DSTYK: variants seen among roughly 807,000 people sequenced by gnomAD.
The protein encoded by DSTYK is dual serine/threonine and tyrosine protein kinase.
In DSTYK, 34 loss-of-function variants were observed where a neutral mutation model predicts 98.7. That is an observed-to-expected ratio of 0.34 (90% CI 0.26 to 0.46). The LOEUF (loss-of-function observed/expected upper bound fraction) is 0.46, where lower values mean the gene tolerates loss of function less well. Among genes scored for constraint, DSTYK ranks in the 20% least tolerant of loss-of-function variants. DSTYK has a pLI of 1.00. For synonymous variants in DSTYK, 462 were observed against 457.3 expected, an observed-to-expected ratio of 1.01 and a Z score of -0.13; for missense variants, 962 against 1,181.7, an observed-to-expected ratio of 0.81 and a Z score of 2.73.
intron 2 of DSTYK, among the ~76,000 whole-genome samples, chr1:205,171,778 T>C (rs970518381): frequency 3.9e-5 from 6 of 152,190 alleles, no homozygotes; most frequent in African/African-American, 1.4e-4. Context: ...CAATCCTCCA[T>C]AGAATTCTAG....
intron 2 of DSTYK, among the ~76,000 whole-genome samples, chr1:205,186,839 C>T (rs910788714): frequency 6.6e-6 from 1 of 152,224 alleles, no homozygotes; most frequent in African/African-American, 2.4e-5. Flanking sequence ...CTTCAAATAA[C>T]AGGATCTCCG....
chr1:205,176,344 C>T (rs1024327812), intron 2 of DSTYK, among the ~76,000 whole-genome samples: 2 of 151,702 alleles, frequency 1.3e-5, no homozygotes, highest in Non-Finnish European at 2.9e-5. Flanking sequence ...GGGGTGGTGG[C>T]GTATGCCTGT....
intron 2 of DSTYK, among the ~76,000 whole-genome samples, chr1:205,176,476 TAAAAAAAAAAA>T (rs61291677): frequency 1.1e-3 from 47 of 43,208 alleles, no homozygotes; most frequent in African/African-American, 3.0e-3. Flanking sequence ...AACTCCCTCT[TAAAAAAAAAAA>T]AAAAAAAAAA....
At chr1:205,159,404 G>A (rs1657650858) in intron 9 of DSTYK, 143 bp downstream of exon 9, 1 of 1,144,356 alleles carries the variant, frequency 8.7e-7, no homozygotes, top group Non-Finnish European at 1.2e-6. Flanking sequence ...ATCTTTAAGG[G>A]TTTTTGGAAA....
intron 1 of DSTYK, among the ~76,000 whole-genome samples, chr1:205,209,751 A>G (rs1355820440): frequency 6.6e-6 from 1 of 152,064 alleles, no homozygotes; most frequent in Non-Finnish European, 1.5e-5. Flanking sequence ...CTTTGGGAAT[A>G]TAAGACCTAA....
chr1:205,155,496 C>T (rs1657530929), intron 10 of DSTYK, among the ~76,000 whole-genome samples: 1 of 151,720 alleles, frequency 6.6e-6, no homozygotes, highest in Non-Finnish European at 1.5e-5. Flanking sequence ...TGGCAAAACC[C>T]TGTCTCTACT....
At chr1:205,154,084 T>TGTGTGTGC (rs558872879) in intron 10 of DSTYK, among the ~76,000 whole-genome samples, 4 of 144,788 alleles carry the variant, frequency 2.8e-5, no homozygotes, top group Non-Finnish European at 4.6e-5. Context: ...TGTGTGTGTG[T>TGTGTGTGC]GCATGTATAG....
In DSTYK at chr1:205,161,397, A is replaced by G. The variant is rs1245002839; in HGVS notation, c.1819-10T>C. 6.2e-7 allele frequency: 1 copy of G among 1,613,884 alleles called. No homozygotes were observed. The highest frequency in any genetic ancestry group is 1.7e-5 in the Admixed American group (1 of 59,950). ...AGTGGCCAGCTTCCAGCTGGGAGAG[A>G]AACAGAAAAAGTACATATGACTTAA... On this transcript the variant is annotated splice_polypyrimidine_tract_variant and intron_variant, in intron 6 of 12. Coordinates refer to ENST00000367162, the MANE Select transcript of DSTYK (RefSeq NM_015375.3).
intron 11 of DSTYK, among the ~76,000 whole-genome samples, chr1:205,149,252 C>A (rs1273782763): frequency 1.3e-5 from 2 of 151,806 alleles, no homozygotes; most frequent in Non-Finnish European, 2.9e-5. Flanking sequence ...TGATGACTAT[C>A]TACTTGGTTC....
chr1:205,154,415 C>G (rs953096952), intron 10 of DSTYK, among the ~76,000 whole-genome samples: 4 of 152,218 alleles, frequency 2.6e-5, no homozygotes, highest in African/African-American at 7.2e-5. Flanking sequence ...GTTTTTCCCC[C>G]CCTTTTGATC....
At chr1:205,157,836 G>C (rs1657608579) in intron 9 of DSTYK, among the ~76,000 whole-genome samples, 1 of 151,566 alleles carries the variant, frequency 6.6e-6, no homozygotes, top group African/African-American at 2.4e-5. Flanking sequence ...GGAAGAGCAA[G>C]TTGTAAAGGA....
intron 1 of DSTYK, among the ~76,000 whole-genome samples, chr1:205,203,127 A>T (rs1259878701): frequency 6.6e-6 from 1 of 152,216 alleles, no homozygotes; most frequent in East Asian, 1.9e-4. Flanking sequence ...ATCAGTAATG[A>T]CTTTTAAGAC....
At chr1:205,181,336 A>G (rs980316736) in intron 2 of DSTYK, among the ~76,000 whole-genome samples, 1 of 152,108 alleles carries the variant, frequency 6.6e-6, no homozygotes, top group African/African-American at 2.4e-5. Flanking sequence ...AACTAAAGGT[A>G]AGTAATATAT....
chr1:205,187,337 G>A (rs1302171187), intron 2 of DSTYK, 81 bp downstream of exon 2: 30 of 1,455,104 alleles, frequency 2.1e-5, no homozygotes, highest in African/African-American at 1.0e-4. Context: ...ATATATCATC[G>A]AATTACTTTT....
Position 205,211,607 on chromosome 1 carries a change from A to C in DSTYK, c.-72T>G, listed in dbSNP as rs1018088853. 124 of 1,403,640 alleles carry C rather than the reference A, an allele frequency of 8.8e-5. No individual in the cohort carries two copies. Among genetic ancestry groups the C allele is most frequent in the Non-Finnish European group, 1.0e-4 (114 of 1,086,820 alleles). 86.9% of individuals were successfully genotyped at this position (1,403,640 alleles called of 1,614,324 possible). ...CCGGCCTCCCTCCTCCCCGCCCCCC[A>C]GTGCCGAAGGGAGGAGGAATCCGCC... On this transcript the variant is annotated 5_prime_UTR_variant, in exon 1 of 13. Coordinates refer to ENST00000367162, the MANE Select transcript of DSTYK (RefSeq NM_015375.3).
intron 10 of DSTYK, among the ~76,000 whole-genome samples, chr1:205,156,072 G>A (rs865854554): frequency 6.6e-6 from 1 of 152,244 alleles, no homozygotes; most frequent in Non-Finnish European, 1.5e-5. Context: ...TGTGGTTTGG[G>A]AACCTCCACC....
Position 205,159,642 on chromosome 1 carries a change from C to T in DSTYK, c.2143G>A (p.Gly715Ser). ...CCATAGTTGTAGTCAATGACTGAAC[C>T]ATGGAGATCCACCAATCGCTCATGC... is the stretch of plus-strand genomic sequence containing the variant. ...PKHERLVDLH[G>S]SVIDYNYGGG... is the part of the protein sequence containing the mutation. The change falls in exon 9 of 13, where the codon GGT (glycine) becomes AGT (serine). Residue 715 changes from glycine to serine, a missense_variant. Coordinates refer to ENST00000367162, the MANE Select transcript of DSTYK (RefSeq NM_015375.3). 1 of 1,613,748 alleles carries T rather than the reference C, an allele frequency of 6.2e-7. No individual in the cohort carries two copies. The highest frequency in any genetic ancestry group is 8.5e-7 in the Non-Finnish European group (1 of 1,179,972).
intron 2 of DSTYK, among the ~76,000 whole-genome samples, chr1:205,173,955 G>C (rs551183263): frequency 6.6e-6 from 1 of 152,128 alleles, no homozygotes; most frequent in African/African-American, 2.4e-5. Context: ...CCTAACCTCA[G>C]GTGATCTGCC....
At chr1:205,203,567 A>T (rs1333630140) in intron 1 of DSTYK, among the ~76,000 whole-genome samples, 1 of 11,716 alleles carries the variant, frequency 8.5e-5, no homozygotes, top group East Asian at 3.0e-3. Flanking sequence ...AGGGGAGGGG[A>T]GGGGAGGGGA....
Sources: allele counts gnomAD v4.1 joint callset (sites outside exome capture counted in the v4.1 genomes callset), GRCh38; gene constraint gnomAD v4.1.1; transcripts MANE v1.5; gene names NCBI Gene and HGNC (gene_info 2026-07-23, HGNC 2026-07-21).